PMM2: variants seen among roughly 807,000 people sequenced by gnomAD.
PMM2 encodes the protein phosphomannomutase 2.
A neutral mutation model predicts 33.2 loss-of-function variants in PMM2; 35 were observed. The ratio of observed to expected loss-of-function variants is 1.06; its 90% CI spans 0.81 to 1.40. PMM2 has a LOEUF of 1.40. PMM2 is among the 40% of genes most tolerant of loss of function. PMM2 has a pLI of 0.00. For missense variants in PMM2, 386 were observed against 306.0 expected (o/e 1.26, Z -1.95); for synonymous variants, 153 against 114.7 (o/e 1.33, Z -2.13).
chr16:8,847,659 G>A, intron 7 of PMM2, 65 bp from the exon 8 acceptor site: 1 of 1,212,180 alleles, frequency 8.2e-7, no homozygotes, highest in Non-Finnish European at 1.2e-6. Flanking sequence ...GGACTCCAGG[G>A]TCACATCAGC....
chr16:8,800,149 A>G (rs1272961789), intron 1 of PMM2, among the ~76,000 whole-genome samples: 1 of 152,112 alleles, frequency 6.6e-6, no homozygotes, highest in African/African-American at 2.4e-5. Flanking sequence ...ACTTGAGGTC[A>G]GGAGTTCGAG....
chr16:8,799,567 A>C (rs1263282927), intron 1 of PMM2, among the ~76,000 whole-genome samples: 1 of 148,610 alleles, frequency 6.7e-6, no homozygotes, highest in African/African-American at 2.5e-5. Context: ...TTTTTTTTTT[A>C]AGACAGAGTC....
chr16:8,847,608 ACT>A (rs2060935694), intron 7 of PMM2, 114 bp from the exon 8 acceptor site: 2 of 760,720 alleles, frequency 2.6e-6, no homozygotes, highest in Non-Finnish European at 4.7e-6. Flanking sequence ...AGCTGAAGAA[ACT>A]CTCCCTGCCC....
intron 7 of PMM2, among the ~76,000 whole-genome samples, chr16:8,837,266 AATT>A (rs772085564): frequency 6.6e-6 from 1 of 151,936 alleles, no homozygotes; most frequent in Admixed American, 6.6e-5. Flanking sequence ...TTACGACAAG[AATT>A]ATTTAGATCT....
chr16:8,804,743 G>C lies in PMM2; in HGVS notation c.179-24G>C, dbSNP rs1326648225. The C allele has an allele frequency of 1.3e-6, 2 of 1,538,840 alleles. No individual in the cohort carries two copies. The highest frequency in any genetic ancestry group is 1.8e-6 in the Non-Finnish European group (2 of 1,112,374). On this transcript the variant is annotated intron_variant, in intron 2 of 7. Coordinates refer to ENST00000268261, the MANE Select transcript of PMM2 (RefSeq NM_000303.3). ...CAGGTTTTGATTCTTTGCATTCTAA[G>C]TGTTTTTTTGGTTTTGATTGTAGTG...
chr16:8,801,801 A>G lies in PMM2; in HGVS notation c.69A>G (p.Lys23=), dbSNP rs1189907173. ...GTATTTTCTTTCTTGAAATTTAGAAAATTACCAAAGAAATGGATGACTTCC... is the reference window on the plus strand; with the variant it reads ...GTATTTTCTTTCTTGAAATTTAGAAGATTACCAAAGAAATGGATGACTTCC... ...VDGTLTAPRQ[K]ITKEMDDFLQ... Residue 23 remains lysine, a splice_region_variant and synonymous_variant, in exon 2 of 8, where the codon AAA becomes AAG. Coordinates refer to ENST00000268261, the MANE Select transcript of PMM2 (RefSeq NM_000303.3). The G allele has an allele frequency of 5.0e-6, 8 of 1,600,052 alleles. No homozygotes were observed. The highest frequency in any genetic ancestry group is 3.3e-4 in the Middle Eastern group (2 of 6,066).
chr16:8,831,920 C>T (rs1172838804), intron 7 of PMM2, among the ~76,000 whole-genome samples: 1 of 152,174 alleles, frequency 6.6e-6, no homozygotes, highest in Non-Finnish European at 1.5e-5. Context: ...TCTTCCCTCC[C>T]CCCTTCCCTC....
At chr16:8,808,604 G>A (rs1216999865) in intron 4 of PMM2, 2 of 152,214 alleles carry the variant, frequency 1.3e-5, no homozygotes, top group Non-Finnish European at 1.5e-5. Flanking sequence ...TCTTTAGGGC[G>A]GAACTGATTG....
Position 8,798,128 on chromosome 16 carries a change from G to C in PMM2, c.66+180G>C, listed in dbSNP as rs73501483. ...GAGAGGGAGGCCCTAACCAGCTCTTGAAGAGCTCTGGTGCTTGGAAAGATG... is the reference window on the plus strand; with the variant it reads ...GAGAGGGAGGCCCTAACCAGCTCTTCAAGAGCTCTGGTGCTTGGAAAGATG... On this transcript the variant is annotated intron_variant, in intron 1 of 7. Coordinates refer to ENST00000268261, the MANE Select transcript of PMM2 (RefSeq NM_000303.3). 0.088 allele frequency among the ~76,000 whole-genome samples: 13,459 copies of C among 152,272 alleles called. 783 individuals carry two copies. The highest frequency in any genetic ancestry group is 0.15 in the African/African-American group (6,344 of 41,550).
Position 8,843,430 on chromosome 16 carries a change from G to A in PMM2, c.640-4294G>A, listed in dbSNP as rs542543164. 3.7e-4 allele frequency among the ~76,000 whole-genome samples: 57 copies of A among 152,294 alleles called. No homozygotes were observed. The South Asian group carries it at 5.2e-3, about 14-fold the overall frequency. On this transcript the variant is annotated intron_variant, in intron 7 of 7. Coordinates refer to ENST00000268261, the MANE Select transcript of PMM2 (RefSeq NM_000303.3). ...GGGGCTCTGGGAGTGGCTGCCAGGT[G>A]AGTTGAACAGTCCGATTTCCAGTGG...
intron 7 of PMM2, among the ~76,000 whole-genome samples, chr16:8,815,515 G>A (rs1445263516): frequency 6.6e-6 from 1 of 152,208 alleles, no homozygotes; most frequent in Non-Finnish European, 1.5e-5. Context: ...ACAGGCGTGA[G>A]CCAGCGTGCC....
chr16:8,800,808 C>T (rs374802252), intron 1 of PMM2, among the ~76,000 whole-genome samples: 11 of 152,130 alleles, frequency 7.2e-5, no homozygotes, highest in African/African-American at 2.2e-4. Context: ...CTCAGCCTCC[C>T]GAGTAGCTGG....
chr16:8,822,985 T>TTAC (rs1170205211), intron 7 of PMM2, among the ~76,000 whole-genome samples: 1 of 152,068 alleles, frequency 6.6e-6, no homozygotes, highest in Non-Finnish European at 1.5e-5. Context: ...AGACATGGGG[T>TTAC]TACTAGCAGA....
At chr16:8,803,071 C>G (rs1366677658) in intron 2 of PMM2, among the ~76,000 whole-genome samples, 1 of 152,166 alleles carries the variant, frequency 6.6e-6, no homozygotes, top group African/African-American at 2.4e-5. Flanking sequence ...CACACACGCA[C>G]ACATACGGCT....
chr16:8,799,835 C>G (rs756312407), intron 1 of PMM2, among the ~76,000 whole-genome samples: 1 of 152,080 alleles, frequency 6.6e-6, no homozygotes, highest in Non-Finnish European at 1.5e-5. Context: ...CGTGAGCCAC[C>G]GTGTTCTGAC....
At chr16:8,819,174 G>C (rs1170764968) in intron 7 of PMM2, among the ~76,000 whole-genome samples, 1 of 152,232 alleles carries the variant, frequency 6.6e-6, no homozygotes, top group African/African-American at 2.4e-5. Context: ...GTTCAGGGTT[G>C]GGGACAGCCC....
chr16:8,820,351 C>CTT (rs545958069), intron 7 of PMM2, among the ~76,000 whole-genome samples: 17 of 133,130 alleles, frequency 1.3e-4, no homozygotes, highest in African/African-American at 1.9e-4. Flanking sequence ...CACAGTTCTT[C>CTT]TTTTTTTTTT....
At chr16:8,837,709 G>A (rs2060859981) in intron 7 of PMM2, among the ~76,000 whole-genome samples, 1 of 152,040 alleles carries the variant, frequency 6.6e-6, no homozygotes, top group African/African-American at 2.4e-5. Flanking sequence ...ACGGAGAGAA[G>A]GGGTTGGTGT....
At chr16:8,798,602 G>T (rs1338264815) in intron 1 of PMM2, among the ~76,000 whole-genome samples, 1 of 152,218 alleles carries the variant, frequency 6.6e-6, no homozygotes, top group Admixed American at 6.5e-5. Context: ...GGACTAGGGA[G>T]ATGGAGGAGC....
Sources: gnomAD v4.1 joint callset for allele counts (sites outside exome capture counted in the v4.1 genomes callset) on GRCh38, gnomAD v4.1.1 for gene constraint, MANE v1.5 for transcripts, NCBI Gene and HGNC (gene_info 2026-07-23, HGNC 2026-07-21) for gene names.